LAMA2: variants seen among roughly 807,000 people sequenced by gnomAD.
LAMA2 encodes laminin subunit alpha-2.
LAMA2 carries 269 observed loss-of-function variants against 364.8 expected under a neutral mutation model. The ratio of observed to expected loss-of-function variants is 0.74; its 90% CI spans 0.67 to 0.82. The LOEUF is 0.82. Among genes scored for constraint, LAMA2 ranks in the 40% least tolerant of loss-of-function variants. The pLI, the probability that LAMA2 is intolerant of heterozygous loss-of-function variation, is 0.00. For missense variants in LAMA2, 3,807 were observed against 3,873.2 expected, an observed-to-expected ratio of 0.98 and a Z score of 0.45; for synonymous variants, 1,379 against 1,370.6, an observed-to-expected ratio of 1.01 and a Z score of -0.14.
At chr6:129,093,586 A>T (rs1774983392) in intron 3 of LAMA2, among the ~76,000 whole-genome samples, 2 of 152,182 alleles carry the variant, frequency 1.3e-5, no homozygotes, top group Non-Finnish European at 2.9e-5. Flanking sequence ...AGACTAAAGG[A>T]TTCTTAAGAA....
intron 12 of LAMA2, among the ~76,000 whole-genome samples, chr6:129,206,360 T>C (rs1014893645): frequency 2.0e-5 from 3 of 152,206 alleles, no homozygotes; most frequent in Non-Finnish European, 2.9e-5. Context: ...AGAACAGATA[T>C]TGTCAAATTT....
intron 5 of LAMA2, among the ~76,000 whole-genome samples, chr6:129,146,582 C>G (rs144024116): frequency 1.1e-4 from 17 of 152,042 alleles, no homozygotes; most frequent in African/African-American, 4.1e-4. Flanking sequence ...ACTGCAGTTG[C>G]TATAATCACA....
At chr6:128,983,116 G>T (rs903588444) in intron 1 of LAMA2, among the ~76,000 whole-genome samples, 16 of 151,910 alleles carry the variant, frequency 1.1e-4, no homozygotes, top group African/African-American at 3.9e-4. Flanking sequence ...ATAGTCCTTT[G>T]GGTACATACC....
chr6:129,078,632 T>G (rs1198936946), intron 3 of LAMA2, among the ~76,000 whole-genome samples: 1 of 152,216 alleles, frequency 6.6e-6, no homozygotes, highest in Admixed American at 6.5e-5. Flanking sequence ...TAATATGGTA[T>G]GGCTATTTTT....
chr6:129,196,345 T>A (rs1781850132), intron 12 of LAMA2, among the ~76,000 whole-genome samples: 1 of 152,192 alleles, frequency 6.6e-6, no homozygotes, highest in Non-Finnish European at 1.5e-5. Flanking sequence ...AAACTGATAT[T>A]TGAGATTTGT....
At chr6:129,320,414 AAGAC>A in intron 27 of LAMA2, 120 bp from the exon 28 acceptor site, 2 of 745,568 alleles carry the variant, frequency 2.7e-6, no homozygotes, top group South Asian at 2.8e-5. Flanking sequence ...TAAAAACAAA[AAGAC>A]AATAGAACAT....
At chr6:129,508,259 G>A (rs1022525989) in intron 62 of LAMA2, among the ~76,000 whole-genome samples, 19 of 151,962 alleles carry the variant, frequency 1.3e-4, no homozygotes, top group African/African-American at 4.4e-4. Context: ...GTACACAGTG[G>A]GTGTATATAT....
chr6:129,279,934 G>A, intron 17 of LAMA2, 127 bp from the exon 18 acceptor site: 1 of 731,138 alleles, frequency 1.4e-6, no homozygotes. Flanking sequence ...TCTGTCTCTG[G>A]GGTGAGAATG....
Position 129,401,244 on chromosome 6 carries a change from A to C in LAMA2, c.5466A>C (p.Glu1822Asp). The C allele has an allele frequency of 6.2e-7, 1 of 1,603,584 alleles. No homozygotes were observed. Among genetic ancestry groups the C allele is most frequent in the Non-Finnish European group, 8.5e-7 (1 of 1,170,776 alleles). Reference protein sequence around the residue: ...TALEKKKEAVESGKRQIENTL... With the variant: ...TALEKKKEAVDSGKRQIENTL... ...TACAGAAAAAGAAGGAGGCTGTTGAAAGCGGCAAACGACAAATTGAGAACA... is the reference window on the plus strand; with the variant it reads ...TACAGAAAAAGAAGGAGGCTGTTGACAGCGGCAAACGACAAATTGAGAACA... Residue 1822 changes from glutamate (E) to aspartate (D), a missense_variant, in exon 38 of 65, where the codon GAA (glutamate) becomes GAC (aspartate). This residue lies in a region of LAMA2 where 3,333 missense variants were observed against 3,345.7 expected (regional missense o/e 1.00). Coordinates refer to ENST00000421865, the MANE Select transcript of LAMA2 (RefSeq NM_000426.4).
chr6:129,378,207 A>T (rs139452632), intron 34 of LAMA2, among the ~76,000 whole-genome samples: 10 of 152,350 alleles, frequency 6.6e-5, no homozygotes, highest in African/African-American at 2.2e-4. Flanking sequence ...GGACAAGATA[A>T]TAGTGAATAA....
At position 129,294,347 on chromosome 6, in the gene LAMA2, T is replaced by C. The variant is rs193023813; in HGVS notation, c.2856+2627T>C. Among the ~76,000 whole-genome samples, 13 of 152,246 alleles carry C rather than the reference T, an allele frequency of 8.5e-5. No individual in the cohort carries two copies. The East Asian group carries it at 2.3e-3, about 27-fold the overall frequency. On this transcript the variant is annotated intron_variant, in intron 20 of 64. Transcript: ENST00000421865. The stretch of plus-strand genomic sequence containing the variant: ...CTATAAGAGCATAACATAGACTAAG[T>C]GGCATGTAAACAATGGAAATTCATT...
At chr6:128,910,989 C>T (rs1777890675) in intron 1 of LAMA2, among the ~76,000 whole-genome samples, 1 of 150,978 alleles carries the variant, frequency 6.6e-6, no homozygotes, top group African/African-American at 2.5e-5. Context: ...AGGCAGTCTG[C>T]CCGTTCTTAG....
chr6:128,978,874 G>C (rs544400416), intron 1 of LAMA2, among the ~76,000 whole-genome samples: 127 of 152,226 alleles, frequency 8.3e-4, no homozygotes, highest in Admixed American at 1.3e-3. Context: ...TTCAGAGAAG[G>C]CTCCACAGGA....
Position 129,168,108 on chromosome 6 carries a change from G to T in LAMA2, c.1306+2433G>T, listed in dbSNP as rs547297662. Among the ~76,000 whole-genome samples, 829 of 140,650 alleles carry T rather than the reference G, an allele frequency of 5.9e-3. 7 individuals are homozygous for T. Among genetic ancestry groups the T allele is most frequent in the Middle Eastern group, 0.029 (8 of 276 alleles). 92.3% of individuals were successfully genotyped at this position (140,650 alleles called of 152,430 possible). A position where few individuals can be genotyped will look rare whatever the true frequency, so the allele number is the denominator to read the frequency against. On this transcript the variant is annotated intron_variant, in intron 9 of 64. Coordinates refer to ENST00000421865, the MANE Select transcript of LAMA2 (RefSeq NM_000426.4). ...GGTTGCAAAAATTTTCTCCCATTTTGTAGGTTGCCTGTTCACTCTGATGGT... is the reference window on the plus strand; with the variant it reads ...GGTTGCAAAAATTTTCTCCCATTTTTTAGGTTGCCTGTTCACTCTGATGGT...
chr6:128,993,408 T>A (rs1021754926), intron 1 of LAMA2, among the ~76,000 whole-genome samples: 3 of 152,184 alleles, frequency 2.0e-5, no homozygotes, highest in Admixed American at 2.0e-4. Context: ...AAATTTAAAC[T>A]CAAATTTACT....
chr6:129,438,590 A>G (rs1009989774), intron 41 of LAMA2, 56 bp from the exon 42 acceptor site: 13 of 859,268 alleles, frequency 1.5e-5, no homozygotes, highest in East Asian at 2.4e-5. Flanking sequence ...ACATCCAAGT[A>G]TAAGCTCAGG....
chr6:129,051,455 G>A (rs1469373500), intron 2 of LAMA2, among the ~76,000 whole-genome samples: 3 of 149,782 alleles, frequency 2.0e-5, no homozygotes, highest in Admixed American at 2.0e-4. Context: ...TGGATTACAG[G>A]CACGTGACAC....
At chr6:129,031,556 G>T (rs1355862131) in intron 1 of LAMA2, among the ~76,000 whole-genome samples, 1 of 152,164 alleles carries the variant, frequency 6.6e-6, no homozygotes. Flanking sequence ...GATGGAAAAT[G>T]TAAACTATCC....
intron 12 of LAMA2, among the ~76,000 whole-genome samples, chr6:129,219,353 A>G (rs1358670969): frequency 2.0e-5 from 3 of 152,162 alleles, no homozygotes; most frequent in East Asian, 3.9e-4. Flanking sequence ...ATGTGGAGAA[A>G]TAGGAACACT....
Sources: allele counts gnomAD v4.1 joint callset (sites outside exome capture counted in the v4.1 genomes callset), GRCh38; gene constraint gnomAD v4.1.1; regional missense constraint gnomAD v4.1.1; transcripts MANE v1.5; gene names NCBI Gene and HGNC (gene_info 2026-07-23, HGNC 2026-07-21).